The following KAZN variants were observed in gnomAD, a reference collection of about 807,000 sequenced individuals.
KAZN encodes the protein kazrin.
Under a neutral mutation model 87.4 loss-of-function variants are expected in KAZN, and 40 were observed. The observed-to-expected ratio is 0.46, with a 90% confidence interval of 0.36 to 0.60. KAZN has a LOEUF of 0.60. Ranked by LOEUF, KAZN falls within the 20% of genes least tolerant of loss-of-function variation. KAZN has a pLI of 0.00. For synonymous variants in KAZN, 466 were observed against 458.3 expected, an observed-to-expected ratio of 1.02 and a Z score of -0.22; for missense variants, 898 against 1,073.9, an observed-to-expected ratio of 0.84 and a Z score of 2.29.
chr1:15,060,430 T>C, intron 6 of KAZN, 128 bp downstream of exon 6: 1 of 1,233,766 alleles, frequency 8.1e-7, no homozygotes, highest in East Asian at 2.3e-5. Context: ...GGCGAATGCA[T>C]TTCCTGTTCT....
intron 1 of KAZN, among the ~76,000 whole-genome samples, chr1:14,832,092 A>G (rs1022116390): frequency 6.6e-6 from 1 of 151,990 alleles, no homozygotes; most frequent in Non-Finnish European, 1.5e-5. Flanking sequence ...GCTACTTGAG[A>G]GGCTGAGGCA....
chr1:14,644,360 T>G (rs1329472178), intron 1 of KAZN, among the ~76,000 whole-genome samples: 2 of 151,412 alleles, frequency 1.3e-5, no homozygotes, highest in Non-Finnish European at 2.9e-5. Context: ...AATTTGTTTT[T>G]TTTTTTTTCT....
chr1:14,497,335 T>TAA (rs70997150), intron 2 of KAZN, among the ~76,000 whole-genome samples: 20 of 76,416 alleles, frequency 2.6e-4, no homozygotes, highest in East Asian at 1.1e-3. Flanking sequence ...ATTCTGTTAC[T>TAA]AAAAAAAAAA....
chr1:15,041,336 T>TTTTTTTG (rs1672895832), intron 3 of KAZN, among the ~76,000 whole-genome samples: 1 of 146,388 alleles, frequency 6.8e-6, no homozygotes, highest in African/African-American at 2.5e-5. Flanking sequence ...TTTTTCTTTT[T>TTTTTTTG]TTTTTTTTTT....
intron 1 of KAZN, among the ~76,000 whole-genome samples, chr1:14,049,676 TC>T (rs1642228510): frequency 6.6e-6 from 1 of 152,180 alleles, no homozygotes; most frequent in Admixed American, 6.5e-5. Context: ...CTCCCTCTTT[TC>T]CTCTCACCCT....
intron 2 of KAZN, among the ~76,000 whole-genome samples, chr1:14,227,773 G>A (rs903025086): frequency 3.9e-5 from 6 of 152,064 alleles, no homozygotes; most frequent in Admixed American, 1.3e-4. Flanking sequence ...ACAAAACAGC[G>A]GTCTTTCTAT....
chr1:14,104,450 G>T (rs1644326714), intron 1 of KAZN, among the ~76,000 whole-genome samples: 1 of 152,156 alleles, frequency 6.6e-6, no homozygotes, highest in Non-Finnish European at 1.5e-5. Context: ...GTTTAGATAA[G>T]GTGTTGAGAG....
At position 14,833,398 on chromosome 1, in the gene KAZN, C is replaced by T. The variant is rs149453061; in HGVS notation, c.227-127286C>T. On this transcript the variant is annotated intron_variant, in intron 1 of 14. Transcript: ENST00000376030. ...CTGGGAGCACTGGTGTGTGTGTGGGCAGCAGAATGGGAGTGAGACAGGGAA... is the reference window on the plus strand; with the variant it reads ...CTGGGAGCACTGGTGTGTGTGTGGGTAGCAGAATGGGAGTGAGACAGGGAA... Among the ~76,000 whole-genome samples the T allele has an allele frequency of 1.9e-4, 29 of 152,144 alleles. No individual in the cohort carries two copies. In the East Asian group the frequency reaches 5.4e-3, roughly 28 times the overall value.
At chr1:13,933,034 C>A (rs1209654257) in intron 1 of KAZN, among the ~76,000 whole-genome samples, 2 of 152,156 alleles carry the variant, frequency 1.3e-5, no homozygotes, top group African/African-American at 4.8e-5. Context: ...ATGTTAATAT[C>A]TAACATTCCA....
At chr1:14,336,737 G>C (rs375519946) in intron 2 of KAZN, among the ~76,000 whole-genome samples, 1 of 151,806 alleles carries the variant, frequency 6.6e-6, no homozygotes, top group African/African-American at 2.4e-5. Context: ...TGTGCTTTTT[G>C]CCCATTTGTA....
At chr1:15,028,501 C>T (rs12081961) in intron 2 of KAZN, among the ~76,000 whole-genome samples, 40,625 of 152,086 alleles carry the variant, frequency 0.27, 5,746 homozygotes, top group South Asian at 0.32. Flanking sequence ...AAAAGCAGAG[C>T]TATGAGGAAG....
chr1:14,613,699 C>T (rs938570774), intron 1 of KAZN, among the ~76,000 whole-genome samples: 17 of 152,198 alleles, frequency 1.1e-4, no homozygotes, highest in African/African-American at 3.6e-4. Context: ...CCATAGGCAG[C>T]AGGTTGGAGA....
intron 2 of KAZN, among the ~76,000 whole-genome samples, chr1:14,466,826 T>A (rs1036683765): frequency 6.6e-6 from 1 of 151,908 alleles, no homozygotes; most frequent in Non-Finnish European, 1.5e-5. Flanking sequence ...AAAATTAGCC[T>A]GTTGTGGTGG....
intron 3 of KAZN, among the ~76,000 whole-genome samples, chr1:15,043,578 C>A (rs973352249): frequency 6.7e-6 from 1 of 150,308 alleles, no homozygotes; most frequent in East Asian, 2.0e-4. Flanking sequence ...GTGCCCACGG[C>A]TTTCCCACCA....
At chr1:14,645,037 C>G (rs1680707418) in intron 1 of KAZN, among the ~76,000 whole-genome samples, 1 of 152,068 alleles carries the variant, frequency 6.6e-6, no homozygotes, top group Admixed American at 6.6e-5. Flanking sequence ...TGCCAGTTAC[C>G]CCAGCACCAT....
At chr1:14,957,472 C>A (rs186247044) in intron 1 of KAZN, among the ~76,000 whole-genome samples, 1 of 152,206 alleles carries the variant, frequency 6.6e-6, no homozygotes, top group Non-Finnish European at 1.5e-5. Context: ...GTGAAGGAGA[C>A]GAGGCAGGAT....
intron 1 of KAZN, among the ~76,000 whole-genome samples, chr1:14,141,666 G>A (rs974311834): frequency 5.9e-5 from 9 of 152,136 alleles, no homozygotes; most frequent in South Asian, 2.1e-4. Context: ...CTGTGGGGTC[G>A]GGTACCTGCC....
chr1:14,268,548 G>T (rs1651676463), intron 2 of KAZN, among the ~76,000 whole-genome samples: 1 of 151,944 alleles, frequency 6.6e-6, no homozygotes, highest in African/African-American at 2.4e-5. Context: ...CAGGATGGAG[G>T]GGAAGGAGAA....
chr1:14,577,779 A>G (rs1324506459), intron 2 of KAZN, among the ~76,000 whole-genome samples: 4 of 152,206 alleles, frequency 2.6e-5, no homozygotes. Flanking sequence ...AAGCTTTTTC[A>G]CATCCAGCAA....
Sources: gnomAD v4.1 joint callset for allele counts (sites outside exome capture counted in the v4.1 genomes callset) on GRCh38, gnomAD v4.1.1 for gene constraint, MANE v1.5 for transcripts, NCBI Gene and HGNC (gene_info 2026-07-23, HGNC 2026-07-21) for gene names.